The following LHPP variants were observed in gnomAD, a reference collection of about 807,000 sequenced individuals.
The protein encoded by LHPP is phospholysine phosphohistidine inorganic pyrophosphate phosphatase, also known as hLHPP.
A neutral mutation model predicts 30.3 loss-of-function variants in LHPP; 24 were observed. The ratio of observed to expected loss-of-function variants is 0.79; its 90% CI spans 0.57 to 1.11. The LOEUF is 1.11. LHPP is among the 50% of genes most tolerant of loss of function. The pLI is 0.00. For missense variants in LHPP, 356 were observed against 367.2 expected (o/e 0.97, Z 0.25); for synonymous variants, 150 against 157.1 (o/e 0.95, Z 0.34).
At chr10:124,560,516 C>G (rs374583946) in intron 6 of LHPP, among the ~76,000 whole-genome samples, 1 of 152,244 alleles carries the variant, frequency 6.6e-6, no homozygotes, top group East Asian at 1.9e-4. Flanking sequence ...AAAATACCCT[C>G]CTCGTTGGCC....
intron 3 of LHPP, among the ~76,000 whole-genome samples, chr10:124,489,011 C>T (rs1371672728): frequency 1.3e-5 from 2 of 152,086 alleles, no homozygotes; most frequent in African/African-American, 2.4e-5. Context: ...GTCTGGGCAC[C>T]GACAGTCTCT....
chr10:124,533,494 G>C (rs1954947133), intron 6 of LHPP, among the ~76,000 whole-genome samples: 1 of 152,248 alleles, frequency 6.6e-6, no homozygotes, highest in African/African-American at 2.4e-5. Context: ...GTGTCACCCG[G>C]ACAGAGTGTG....
chr10:124,558,437 G>A (rs894810506), intron 6 of LHPP, among the ~76,000 whole-genome samples: 4 of 152,252 alleles, frequency 2.6e-5, no homozygotes, highest in Non-Finnish European at 5.9e-5. Context: ...CACCGGCAAG[G>A]GGCTCTGAGT....
rs1005598244 is a variant in LHPP at position 124,510,614 on chromosome 10, A to G, written c.625-6566A>G. Among the ~76,000 whole-genome samples the G allele has an allele frequency of 3.9e-5, 6 of 152,182 alleles. No individual in the cohort carries two copies. The highest frequency in any genetic ancestry group is 1.4e-4 in the African/African-American group (6 of 41,446). On this transcript the variant is annotated intron_variant, in intron 5 of 6. Transcript: ENST00000368842. The surrounding 1 kb of genome is among the most constrained non-coding windows in gnomAD (Gnocchi z 4.0). ...ACCAAGTCTGTATTCTGGGAGGGAAACCTGTGTGCTGTCTGGTTTTGTATG... is the reference window on the plus strand; with the variant it reads ...ACCAAGTCTGTATTCTGGGAGGGAAGCCTGTGTGCTGTCTGGTTTTGTATG...
chr10:124,589,622 C>T (rs75400892), intron 6 of LHPP, among the ~76,000 whole-genome samples: 19,985 of 152,246 alleles, frequency 0.13, 1,415 homozygotes, highest in East Asian at 0.22. Context: ...GCAGAGCTCA[C>T]CCGGCCCCAG....
Position 124,590,619 on chromosome 10 carries a change from C to T in LHPP, c.717-22645C>T, listed in dbSNP as rs930873325. On this transcript the variant is annotated intron_variant, in intron 6 of 6. Transcript: ENST00000368842. This position sits in a 1 kb window ranked among gnomAD's most constrained non-coding sequence, Gnocchi z 4.3. ...GGGGACTGTGTTGGTCCTGTCTGCC[C>T]AGGACTCTCCCCACCCGCACAGTGT... is the stretch of plus-strand genomic sequence containing the variant. Among the ~76,000 whole-genome samples, 1 of 152,226 alleles carries T rather than the reference C, an allele frequency of 6.6e-6. No homozygotes were observed. The highest frequency in any genetic ancestry group is 6.5e-5 in the Admixed American group (1 of 15,290).
Position 124,509,299 on chromosome 10 carries a change from C to G in LHPP, c.625-7881C>G, listed in dbSNP as rs533575557. ...CATACTATTCCACTGTTCAGACTCC[C>G]GTCATATTCTTGACCATTTCCTATT... is the stretch of plus-strand genomic sequence containing the variant. On this transcript the variant is annotated intron_variant, in intron 5 of 6. Coordinates refer to ENST00000368842, the MANE Select transcript of LHPP (RefSeq NM_022126.4). Among the ~76,000 whole-genome samples the G allele has an allele frequency of 2.6e-4, 39 of 152,314 alleles. No homozygotes were observed. In the South Asian group the frequency reaches 6.0e-3, roughly 23 times the overall value.
intron 6 of LHPP, among the ~76,000 whole-genome samples, chr10:124,591,185 C>T (rs1043561655): frequency 2.6e-5 from 4 of 152,212 alleles, no homozygotes; most frequent in South Asian, 2.1e-4. Flanking sequence ...ACTCTCTGTA[C>T]CTGATCAGTG....
chr10:124,520,377 G>T (rs1954579809), intron 6 of LHPP, among the ~76,000 whole-genome samples: 1 of 151,666 alleles, frequency 6.6e-6, no homozygotes, highest in Non-Finnish European at 1.5e-5. Context: ...TCAGTGTAGT[G>T]CCGGGCACAC....
intron 6 of LHPP, among the ~76,000 whole-genome samples, chr10:124,548,842 C>T (rs187635719): frequency 5.9e-5 from 9 of 152,296 alleles, no homozygotes; most frequent in South Asian, 2.1e-4. Flanking sequence ...CCCGGGTCCC[C>T]GGACACCGAG....
chr10:124,603,013 G>A (rs1454533112), intron 6 of LHPP, among the ~76,000 whole-genome samples: 3 of 152,030 alleles, frequency 2.0e-5, no homozygotes, highest in East Asian at 3.9e-4. Flanking sequence ...ACAGGGCAGG[G>A]TGGGGTGTGG....
At chr10:124,488,635 C>T (rs1011902001) in intron 3 of LHPP, 60 bp downstream of exon 3, 35 of 1,484,912 alleles carry the variant, frequency 2.4e-5, no homozygotes, top group Non-Finnish European at 2.8e-5. Context: ...TGCCAGTCTC[C>T]AACTTGCGGA....
chr10:124,577,211 C>T (rs1235643023), intron 6 of LHPP, among the ~76,000 whole-genome samples: 1 of 152,126 alleles, frequency 6.6e-6, no homozygotes, highest in African/African-American at 2.4e-5. Flanking sequence ...CTCCCGACCG[C>T]CAGGCTGTGT....
At chr10:124,602,608 CCTT>C (rs35079609) in intron 6 of LHPP, among the ~76,000 whole-genome samples, 89,311 of 151,808 alleles carry the variant, frequency 0.59, 26,424 homozygotes, top group East Asian at 0.68. Flanking sequence ...GTGAGTGCCT[CCTT>C]CTGCGAGGAG....
intron 6 of LHPP, among the ~76,000 whole-genome samples, chr10:124,598,597 G>A (rs1189472249): frequency 2.0e-5 from 3 of 151,676 alleles, no homozygotes; most frequent in Non-Finnish European, 2.9e-5. Flanking sequence ...GGGCCAGCAC[G>A]AGGAATTGCT....
intron 5 of LHPP, 125 bp downstream of exon 5, chr10:124,498,253 C>G: frequency 6.6e-7 from 1 of 1,519,370 alleles, no homozygotes; most frequent in Non-Finnish European, 9.1e-7. Context: ...CGTGGGCTCC[C>G]TGTGAAAGCT....
In LHPP at chr10:124,585,873, C is replaced by T. The variant is rs892128824; in HGVS notation, c.717-27391C>T. 3.3e-5 allele frequency among the ~76,000 whole-genome samples: 5 copies of T among 152,186 alleles called. No individual in the cohort carries two copies. In the East Asian group the frequency reaches 5.9e-4, roughly 18 times the overall value. On this transcript the variant is annotated intron_variant, in intron 6 of 6. Coordinates refer to ENST00000368842, the MANE Select transcript of LHPP (RefSeq NM_022126.4). ...AATCTTGGCTCACTGCAACCTCTGC[C>T]GCCTGGGTTTAAGTGATTCTCCTGC...
intron 5 of LHPP, among the ~76,000 whole-genome samples, chr10:124,514,245 A>G (rs557305621): frequency 6.6e-6 from 1 of 152,330 alleles, no homozygotes; most frequent in Admixed American, 6.5e-5. Context: ...ATTAGCCAGC[A>G]GAGGAGGGAG....
chr10:124,546,932 T>G (rs1448391039), intron 6 of LHPP, among the ~76,000 whole-genome samples: 1 of 152,196 alleles, frequency 6.6e-6, no homozygotes, highest in Non-Finnish European at 1.5e-5. Flanking sequence ...GCTCTTTCAC[T>G]ATGGTTTTCA....
Sources: gnomAD v4.1 joint callset for allele counts (sites outside exome capture counted in the v4.1 genomes callset) on GRCh38, gnomAD v4.1.1 for gene constraint, Gnocchi (gnomAD v3.1) non-coding constraint, MANE v1.5 for transcripts, NCBI Gene and HGNC (gene_info 2026-07-23, HGNC 2026-07-21) for gene names.